Variants in SLC28A3 observed in about 807,000 individuals in gnomAD.
The protein encoded by SLC28A3 is concentrative Na(+)-nucleoside cotransporter 3.
A neutral mutation model predicts 84.2 loss-of-function variants in SLC28A3; 68 were observed. The observed-to-expected ratio is 0.81, with a 90% confidence interval of 0.66 to 0.99. The LOEUF is 0.99. Among genes scored for constraint, SLC28A3 ranks in the 50% least tolerant of loss-of-function variants. SLC28A3 has a pLI of 0.00. For synonymous variants in SLC28A3, 267 were observed against 303.6 expected, an observed-to-expected ratio of 0.88 and a Z score of 1.25; for missense variants, 712 against 841.5, an observed-to-expected ratio of 0.85 and a Z score of 1.90.
chr9:84,309,547 A>AT, intron 3 of SLC28A3, 82 bp downstream of exon 3: 31 of 790,014 alleles, frequency 3.9e-5, no homozygotes, highest in Non-Finnish European at 5.0e-5. Flanking sequence ...AAAAAAAAAA[A>AT]AGAAATCAAA....
At chr9:84,279,411 A>C in intron 16 of SLC28A3, 26 bp from the exon 17 acceptor site, 1 of 1,427,438 alleles carries the variant, frequency 7.0e-7, no homozygotes, top group Non-Finnish European at 9.2e-7. Context: ...AGTCCCATTT[A>C]TTTATTATTT....
chr9:84,365,331 G>A, the SLC28A3 span, among the ~76,000 whole-genome samples: 6 of 152,122 alleles, frequency 3.9e-5, no homozygotes, highest in African/African-American at 1.4e-4. Flanking sequence ...TTTGAGAAAT[G>A]TCTATTCAAA....
chr9:84,325,637 T>A (rs1826523376), intron 1 of SLC28A3, among the ~76,000 whole-genome samples: 1 of 152,222 alleles, frequency 6.6e-6, no homozygotes, highest in Non-Finnish European at 1.5e-5. Flanking sequence ...ATAATTGCCA[T>A]ACTTTATGTC....
intron 10 of SLC28A3, 93 bp downstream of exon 10, chr9:84,292,575 C>G: frequency 2.0e-6 from 2 of 1,014,194 alleles, no homozygotes; most frequent in South Asian, 3.2e-5. Flanking sequence ...TTTCTCTACA[C>G]TAAAAGAACA....
the SLC28A3 span, among the ~76,000 whole-genome samples, chr9:84,347,204 T>TAAAA: frequency 1.1e-4 from 7 of 62,374 alleles, no homozygotes; most frequent in African/African-American, 2.2e-4. Flanking sequence ...AGACTCTGTC[T>TAAAA]AAAAAAAAAA....
chr9:84,284,892 C>T (rs2118084682), intron 14 of SLC28A3, among the ~76,000 whole-genome samples: 1 of 152,318 alleles, frequency 6.6e-6, no homozygotes, highest in African/African-American at 2.4e-5. Flanking sequence ...GACAGTTTCT[C>T]AGAGCTCACA....
intron 1 of SLC28A3, among the ~76,000 whole-genome samples, chr9:84,323,334 T>C (rs535873108): frequency 1.3e-5 from 2 of 152,280 alleles, no homozygotes; most frequent in African/African-American, 4.8e-5. Context: ...GTTGCCTAAA[T>C]GGTGGGCCTG....
At chr9:84,345,145 C>A (rs10780664), upstream of SLC28A3, among the ~76,000 whole-genome samples, 53,381 of 151,854 alleles carry the variant, frequency 0.35, 12,392 homozygotes, top group African/African-American at 0.65. Flanking sequence ...TTAGCTCTTT[C>A]GTGCTTCTTA....
intron 1 of SLC28A3, among the ~76,000 whole-genome samples, chr9:84,324,278 C>T (rs997499359): frequency 5.3e-5 from 8 of 152,196 alleles, no homozygotes; most frequent in African/African-American, 1.9e-4. Flanking sequence ...AACTAACTTC[C>T]TCCTTGCAAA....
At chr9:84,360,391 T>G in the SLC28A3 span, among the ~76,000 whole-genome samples, 1 of 152,074 alleles carries the variant, frequency 6.6e-6, no homozygotes, top group Non-Finnish European at 1.5e-5. Flanking sequence ...CTTACTGAGA[T>G]AACCAATCAT....
chr9:84,307,935 C>T (rs1825858577), intron 3 of SLC28A3, among the ~76,000 whole-genome samples: 1 of 152,160 alleles, frequency 6.6e-6, no homozygotes, highest in African/African-American at 2.4e-5. Context: ...GTACCTCTGA[C>T]CACCCAAGAG....
chr9:84,294,419 C>T, intron 8 of SLC28A3, 144 bp from the exon 9 acceptor site: 2 of 721,882 alleles, frequency 2.8e-6, no homozygotes, highest in Non-Finnish European at 2.3e-6. Context: ...AATCAGGCAG[C>T]TTCCCTATCT....
At chr9:84,344,242 T>TGG (rs1336440368), upstream of SLC28A3, among the ~76,000 whole-genome samples, 2 of 142,622 alleles carry the variant, frequency 1.4e-5, no homozygotes, top group Non-Finnish European at 3.0e-5. Flanking sequence ...CAGGCTGGAG[T>TGG]GCAGTGGCAG....
chr9:84,306,297 G>T lies in SLC28A3; in HGVS notation c.243-952C>A, dbSNP rs181349753. On this transcript the variant is annotated intron_variant, in intron 3 of 17. Transcript: ENST00000376238. Reference sequence around the variant, plus strand: ...AAACTCCAGGACCTCAAAGGATGTGGCCCCAAGCTGGGAGACCTGCACTCC... The same window carrying T: ...AAACTCCAGGACCTCAAAGGATGTGTCCCCAAGCTGGGAGACCTGCACTCC... Among the ~76,000 whole-genome samples the T allele has an allele frequency of 2.2e-4, 33 of 152,172 alleles. No individual in the cohort carries two copies. In the East Asian group the frequency reaches 5.0e-3, roughly 23 times the overall value.
intron 1 of SLC28A3, among the ~76,000 whole-genome samples, chr9:84,324,509 T>A (rs1263350541): frequency 6.6e-6 from 1 of 152,010 alleles, no homozygotes; most frequent in Non-Finnish European, 1.5e-5. Context: ...CCAGGCATGG[T>A]GGCATGCACC....
intron 14 of SLC28A3, among the ~76,000 whole-genome samples, chr9:84,281,440 C>T (rs1246573205): frequency 6.6e-6 from 1 of 152,094 alleles, no homozygotes; most frequent in Non-Finnish European, 1.5e-5. Flanking sequence ...CAAAATAAAG[C>T]CACAATGAGA....
intron 10 of SLC28A3, 50 bp from the exon 11 acceptor site, chr9:84,290,329 C>T (rs1329368533): frequency 6.3e-7 from 1 of 1,597,784 alleles, no homozygotes; most frequent in African/African-American, 1.3e-5. Flanking sequence ...TGTGTGGGGG[C>T]AGGGGAAGGC....
At chr9:84,337,794 A>G (rs1827034242) in intron 1 of SLC28A3, among the ~76,000 whole-genome samples, 1 of 149,538 alleles carries the variant, frequency 6.7e-6, no homozygotes, top group Non-Finnish European at 1.5e-5. Flanking sequence ...ATGAGATTAG[A>G]AAAAAAAAAC....
chr9:84,366,186 T>G, the SLC28A3 span, among the ~76,000 whole-genome samples: 1 of 152,158 alleles, frequency 6.6e-6, no homozygotes. Flanking sequence ...AAGATTCTGA[T>G]GCATTCTTCA....
Sources: gnomAD v4.1 joint callset for allele counts (sites outside exome capture counted in the v4.1 genomes callset) on GRCh38, gnomAD v4.1.1 for gene constraint, MANE v1.5 for transcripts, NCBI Gene and HGNC (gene_info 2026-07-23, HGNC 2026-07-21) for gene names.